Variants in USP31 observed in about 807,000 individuals in gnomAD.
USP31 encodes the protein ubiquitin specific peptidase 31, also known as ubiquitin carboxyl-terminal hydrolase 31.
Under a neutral mutation model 119.4 loss-of-function variants are expected in USP31, and 44 were observed. The observed-to-expected ratio is 0.37, with a 90% CI of 0.29 to 0.47. The LOEUF (loss-of-function observed/expected upper bound fraction) is 0.47, where lower values mean the gene tolerates loss of function less well. Among genes scored for constraint, USP31 ranks in the 20% least tolerant of loss-of-function variants. The pLI is 0.99. For missense variants in USP31, 1,643 were observed against 1,730.2 expected, an observed-to-expected ratio of 0.95 and a Z score of 0.89; for synonymous variants, 749 against 705.6, an observed-to-expected ratio of 1.06 and a Z score of -0.97.
chr16:23,090,521 T>A, intron 7 of USP31, 103 bp downstream of exon 7: 1 of 1,191,750 alleles, frequency 8.4e-7, no homozygotes, highest in Non-Finnish European at 1.1e-6. Context: ...AATCAAAAAT[T>A]AACTACTAAA....
chr16:23,085,101 A>T, intron 10 of USP31, 112 bp from the exon 11 acceptor site: 2 of 1,439,670 alleles, frequency 1.4e-6, no homozygotes, highest in Non-Finnish European at 1.9e-6. Context: ...GAAAAAAAAA[A>T]TCAATGTGTA....
intron 14 of USP31, 22 bp downstream of exon 14, chr16:23,073,700 C>G: frequency 4.4e-6 from 7 of 1,606,196 alleles, no homozygotes; most frequent in Non-Finnish European, 6.0e-6. Context: ...AAAAACTGCC[C>G]AAGAACAAGA....
intron 5 of USP31, among the ~76,000 whole-genome samples, chr16:23,104,101 CA>C (rs1231138257): frequency 6.6e-6 from 1 of 152,188 alleles, no homozygotes; most frequent in Non-Finnish European, 1.5e-5. Context: ...CAAACCTGAA[CA>C]AGTCACATGC....
At chr16:23,101,304 A>G (rs1413305730) in intron 6 of USP31, among the ~76,000 whole-genome samples, 2 of 152,174 alleles carry the variant, frequency 1.3e-5, no homozygotes, top group Non-Finnish European at 2.9e-5. Context: ...ATCCAGTTTG[A>G]GTGAAGAGGA....
chr16:23,076,258 A>G (rs1247319509), intron 13 of USP31, among the ~76,000 whole-genome samples: 5 of 151,814 alleles, frequency 3.3e-5, no homozygotes, highest in Admixed American at 3.3e-4. Flanking sequence ...CACATCCTGA[A>G]CACGTACACC....
At chr16:23,106,133 A>G (rs1435212548) in intron 4 of USP31, 80 bp downstream of exon 4, 9 of 1,455,804 alleles carry the variant, frequency 6.2e-6, no homozygotes, top group Admixed American at 3.6e-5. Flanking sequence ...TAAATAAGTA[A>G]GAAGACCTAA....
At chr16:23,075,239 C>T (rs1004866870) in intron 13 of USP31, among the ~76,000 whole-genome samples, 4 of 152,088 alleles carry the variant, frequency 2.6e-5, no homozygotes, top group African/African-American at 9.7e-5. Context: ...TGGCCAGTGG[C>T]GTCAGGTCAG....
chr16:23,140,481 C>T (rs112665572), intron 1 of USP31, among the ~76,000 whole-genome samples: 4 of 152,276 alleles, frequency 2.6e-5, no homozygotes, highest in African/African-American at 9.6e-5. Flanking sequence ...AGAATCTGCT[C>T]CAAATCAAGG....
At chr16:23,079,749 G>A (rs1446053619) in intron 13 of USP31, 197 bp downstream of exon 13, 16 of 512,828 alleles carry the variant, frequency 3.1e-5, no homozygotes, top group South Asian at 2.3e-4. Flanking sequence ...CCTACTGGAC[G>A]ACCCAACTCA....
At chr16:23,076,662 T>C (rs1018657389) in intron 13 of USP31, among the ~76,000 whole-genome samples, 6 of 152,218 alleles carry the variant, frequency 3.9e-5, no homozygotes, top group African/African-American at 1.2e-4. Flanking sequence ...CTATTCTATA[T>C]ATAAAGAGCA....
At chr16:23,089,355 G>A (rs1010388094) in intron 7 of USP31, among the ~76,000 whole-genome samples, 4 of 152,062 alleles carry the variant, frequency 2.6e-5, no homozygotes, top group Admixed American at 1.3e-4. Context: ...TGCCTTCGAC[G>A]TGGTACGGAC....
At chr16:23,091,948 G>C (rs1901380696) in intron 6 of USP31, among the ~76,000 whole-genome samples, 1 of 152,150 alleles carries the variant, frequency 6.6e-6, no homozygotes, top group Non-Finnish European at 1.5e-5. Flanking sequence ...CGTTTCCCAG[G>C]TTCTTGGCAG....
rs143269204 is a variant in USP31, at chr16:23,131,748, G to A, written c.633+16890C>T. On this transcript the variant is annotated intron_variant, in intron 1 of 15. Transcript: ENST00000219689. ...CATGAATTCACTTTGTAAATGATATGGCCCTACACAAATAAGCGGCATTTC... is the reference window on the plus strand; with the variant it reads ...CATGAATTCACTTTGTAAATGATATAGCCCTACACAAATAAGCGGCATTTC... Among the ~76,000 whole-genome samples the A allele has an allele frequency of 7.9e-5, 12 of 152,116 alleles. 1 individual carries two copies. The highest frequency in any genetic ancestry group is 6.8e-3 in the Middle Eastern group (2 of 294).
intron 14 of USP31, among the ~76,000 whole-genome samples, chr16:23,073,380 G>A (rs1251536154): frequency 1.3e-5 from 2 of 152,146 alleles, no homozygotes; most frequent in East Asian, 3.9e-4. Context: ...TTGCTATGTG[G>A]CCCAGATGGG....
intron 11 of USP31, among the ~76,000 whole-genome samples, chr16:23,082,899 C>G (rs1474673018): frequency 1.5e-5 from 2 of 136,902 alleles, no homozygotes; most frequent in Non-Finnish European, 3.1e-5. Context: ...GGTGTGATCT[C>G]GGCTCACTGC....
chr16:23,118,643 A>C (rs1281778290), intron 1 of USP31, among the ~76,000 whole-genome samples: 1 of 152,178 alleles, frequency 6.6e-6, no homozygotes, highest in Non-Finnish European at 1.5e-5. Flanking sequence ...ACCATCTCAC[A>C]TGTATCACTA....
intron 1 of USP31, among the ~76,000 whole-genome samples, chr16:23,119,699 C>G (rs1158958709): frequency 6.6e-6 from 1 of 152,104 alleles, no homozygotes; most frequent in Non-Finnish European, 1.5e-5. Context: ...GGCCCAGAAA[C>G]AAAAATGCCG....
At chr16:23,077,815 A>T (rs12446174) in intron 13 of USP31, among the ~76,000 whole-genome samples, 41,554 of 152,104 alleles carry the variant, frequency 0.27, 6,111 homozygotes, top group Admixed American at 0.35. Context: ...AAAAGGCTCA[A>T]GCAGGCCCTT....
intron 13 of USP31, chr16:23,079,454 A>C (rs1029841838): frequency 2.0e-5 from 3 of 152,558 alleles, no homozygotes; most frequent in African/African-American, 7.2e-5. Flanking sequence ...CTGGAGAATA[A>C]GGCAGGAGAC....
Sources: gnomAD v4.1 joint callset for allele counts (sites outside exome capture counted in the v4.1 genomes callset) on GRCh38, gnomAD v4.1.1 for gene constraint, MANE v1.5 for transcripts, NCBI Gene and HGNC (gene_info 2026-07-23, HGNC 2026-07-21) for gene names.